GREB1: variants seen among roughly 807,000 people sequenced by gnomAD.
GREB1 encodes growth regulating estrogen receptor binding 1.
Under a neutral mutation model 200.7 loss-of-function variants are expected in GREB1, and 106 were observed. The ratio of observed to expected loss-of-function variants is 0.53; its 90% CI spans 0.45 to 0.62. GREB1 has a LOEUF of 0.62. Ranked by LOEUF, GREB1 falls within the 20% of genes least tolerant of loss-of-function variation. The probability of loss-of-function intolerance (pLI) is 0.00; values close to 1 mark genes in which losing one functional copy is unlikely to be tolerated. For missense variants in GREB1, 2,243 were observed against 2,556.8 expected, an observed-to-expected ratio of 0.88 and a Z score of 2.65; for synonymous variants, 1,132 against 1,092.4, an observed-to-expected ratio of 1.04 and a Z score of -0.72.
intron 16 of GREB1, among the ~76,000 whole-genome samples, chr2:11,601,680 A>T (rs1306446844): frequency 6.6e-6 from 1 of 152,222 alleles, no homozygotes; most frequent in Non-Finnish European, 1.5e-5. Context: ...GGGGATAGCC[A>T]TTGTTCATAA....
chr2:11,596,120 T>A lies in GREB1; in HGVS notation c.1835T>A (p.Ile612Asn). The A allele has an allele frequency of 6.2e-7, 1 of 1,613,438 alleles. No homozygotes were observed. Among genetic ancestry groups the A allele is most frequent in the South Asian group, 1.1e-5 (1 of 90,966 alleles). The change falls in exon 13 of 33, where the codon ATT (isoleucine) becomes AAT (asparagine). Residue 612 changes from isoleucine to asparagine, a missense_variant. Ile to Asn is a moderately radical substitution (Grantham distance 149). Transcript: ENST00000381486. The stretch of plus-strand genomic sequence containing the variant: ...ATTCTGTCTTGGGCAGAGGGTGACA[T>A]TGACATTTTGCTGGACAAATTTCAC... Reference protein sequence around the residue: ...FFSTLCPEGDIDILLDKFHQE... With the variant: ...FFSTLCPEGDNDILLDKFHQE...
chr2:11,562,349 C>A, intron 2 of GREB1, 114 bp from the exon 3 acceptor site: 1 of 1,399,864 alleles, frequency 7.1e-7, no homozygotes, highest in Non-Finnish European at 9.8e-7. Flanking sequence ...CTGGATTAGT[C>A]CCATAGGTCC....
intron 1 of GREB1, among the ~76,000 whole-genome samples, chr2:11,512,600 C>T (rs911116439): frequency 1.6e-4 from 25 of 152,298 alleles, no homozygotes; most frequent in Admixed American, 1.6e-3. Context: ...GTGGAAGGTG[C>T]GGTGAGCTTG....
chr2:11,522,078 G>A (rs1306609586), intron 1 of GREB1, among the ~76,000 whole-genome samples: 1 of 152,160 alleles, frequency 6.6e-6, no homozygotes, highest in Non-Finnish European at 1.5e-5. Flanking sequence ...TCATCCCCCA[G>A]GGGCATCTGT....
chr2:11,511,327 T>C (rs931426578), intron 1 of GREB1, among the ~76,000 whole-genome samples: 1 of 152,156 alleles, frequency 6.6e-6, no homozygotes, highest in Non-Finnish European at 1.5e-5. Context: ...GTTACATTTT[T>C]CCCCAGATTG....
intron 1 of GREB1, among the ~76,000 whole-genome samples, chr2:11,539,353 T>G (rs1558513286): frequency 1.3e-5 from 2 of 152,120 alleles, no homozygotes; most frequent in African/African-American, 4.8e-5. Flanking sequence ...GCCCAGCCAA[T>G]AGCTGGTGTT....
At chr2:11,634,015 C>G (rs939069766) in intron 28 of GREB1, 116 bp from the exon 29 acceptor site, 1 of 970,612 alleles carries the variant, frequency 1.0e-6, no homozygotes, top group Non-Finnish European at 1.6e-6. Flanking sequence ...GTGCGGGGCA[C>G]CGGCCCGTCC....
intron 1 of GREB1, among the ~76,000 whole-genome samples, chr2:11,500,372 G>C (rs1348371221): frequency 6.6e-6 from 1 of 152,068 alleles, no homozygotes; most frequent in Non-Finnish European, 1.5e-5. Flanking sequence ...ATGTTGGCCA[G>C]GCTATTGAAC....
chr2:11,591,573 G>A (rs1277803476), intron 10 of GREB1: 1 of 652,960 alleles, frequency 1.5e-6, no homozygotes, highest in African/African-American at 1.8e-5. Context: ...GTGGTGCTTA[G>A]GTGCGGTAAA....
intron 17 of GREB1, among the ~76,000 whole-genome samples, chr2:11,607,832 C>G (rs758276769): frequency 1.3e-5 from 2 of 151,908 alleles, no homozygotes; most frequent in Non-Finnish European, 2.9e-5. Context: ...GATGTATTGA[C>G]TTGTAAAAGA....
chr2:11,565,220 AAC>A, intron 3 of GREB1, among the ~76,000 whole-genome samples: 1 of 152,314 alleles, frequency 6.6e-6, no homozygotes, highest in African/African-American at 2.4e-5. Context: ...TCAAAATGGG[AAC>A]AGCCACACTT....
Position 11,543,626 on chromosome 2 carries a change from T to G in GREB1, c.-162+9372T>G, listed in dbSNP as rs925006268. The stretch of plus-strand genomic sequence containing the variant: ...TATAGCAGACAGATTATGAACACTT[T>G]GCAAAGCCCAAGTTTGAGAATTTTT... On this transcript the variant is annotated intron_variant, in intron 1 of 32. Transcript: ENST00000381486. Among the ~76,000 whole-genome samples, 3 of 152,236 alleles carry G rather than the reference T, an allele frequency of 2.0e-5. No homozygotes were observed. The East Asian group carries it at 5.8e-4, about 29-fold the overall frequency.
intron 1 of GREB1, among the ~76,000 whole-genome samples, chr2:11,497,850 A>G (rs1200476145): frequency 6.6e-6 from 1 of 151,962 alleles, no homozygotes; most frequent in East Asian, 1.9e-4. Context: ...GAGTGTTGAA[A>G]GTTTTAAAAT....
In GREB1 at chr2:11,579,452, C is replaced by T. The variant is rs1294099852; in HGVS notation, c.772+1021C>T. On this transcript the variant is annotated intron_variant, in intron 6 of 32. Coordinates refer to ENST00000381486, the MANE Select transcript of GREB1 (RefSeq NM_014668.4). Reference sequence around the variant, plus strand: ...GGGCAATTGTAAGAATTAAATAAGGCGATAGTATGAGCAAGTACTCCAAGC... The same window carrying T: ...GGGCAATTGTAAGAATTAAATAAGGTGATAGTATGAGCAAGTACTCCAAGC... Among the ~76,000 whole-genome samples, 7 of 152,214 alleles carry T rather than the reference C, an allele frequency of 4.6e-5. 1 individual carries two copies. Among genetic ancestry groups the T allele is most frequent in the African/African-American group, 1.2e-4 (5 of 41,450 alleles).
At position 11,629,616 on chromosome 2, in the gene GREB1, T is replaced by C. The variant is rs1684725355; in HGVS notation, c.4450-332T>C. Among the ~76,000 whole-genome samples, 1 of 152,230 alleles carries C rather than the reference T, an allele frequency of 6.6e-6. No homozygotes were observed. The highest frequency in any genetic ancestry group is 1.5e-5 in the Non-Finnish European group (1 of 68,044). On this transcript the variant is annotated intron_variant, in intron 25 of 32. Coordinates refer to ENST00000381486, the MANE Select transcript of GREB1 (RefSeq NM_014668.4). The surrounding 1 kb of genome is among the most constrained non-coding windows in gnomAD (Gnocchi z 5.2). ...TTAAAAATGAGCTCTGTAGCATGAA[T>C]GCTTGAGTTGGTGACCCAGAACAGG...
intron 1 of GREB1, among the ~76,000 whole-genome samples, chr2:11,536,736 C>G (rs533617042): frequency 1.3e-5 from 2 of 152,268 alleles, no homozygotes; most frequent in South Asian, 4.1e-4. Flanking sequence ...TCTTTAGGTA[C>G]CTCATTGCTA....
chr2:11,624,341 CTTTTT>C (rs70955810), intron 23 of GREB1, among the ~76,000 whole-genome samples: 2 of 111,132 alleles, frequency 1.8e-5, no homozygotes, highest in Non-Finnish European at 3.7e-5. Context: ...TACACAAATT[CTTTTT>C]TTTTTTTTTT....
chr2:11,506,916 C>T (rs1282850576), intron 1 of GREB1, among the ~76,000 whole-genome samples: 1 of 151,096 alleles, frequency 6.6e-6, no homozygotes, highest in Non-Finnish European at 1.5e-5. Context: ...CAAGGTTCCA[C>T]CCACGTTAAA....
chr2:11,615,041 C>A, intron 19 of GREB1, 50 bp from the exon 20 acceptor site: 1 of 1,401,270 alleles, frequency 7.1e-7, no homozygotes, highest in Non-Finnish European at 1.0e-6. Context: ...GGGAACAGCA[C>A]TCCACTTGTG....
Sources: allele counts gnomAD v4.1 joint callset (sites outside exome capture counted in the v4.1 genomes callset), GRCh38; gene constraint gnomAD v4.1.1; non-coding constraint Gnocchi (gnomAD v3.1); transcripts MANE v1.5; gene names NCBI Gene and HGNC (gene_info 2026-07-23, HGNC 2026-07-21).